Variants in KAZN observed in about 807,000 individuals in gnomAD.
KAZN encodes kazrin, periplakin interacting protein.
In KAZN, 40 loss-of-function variants were observed where a neutral mutation model predicts 87.4. That is an observed-to-expected ratio of 0.46 (90% confidence interval 0.36 to 0.60). KAZN has a LOEUF of 0.60. Among genes scored for constraint, KAZN ranks in the 20% least tolerant of loss-of-function variants. KAZN has a pLI of 0.00. For missense variants in KAZN, 898 were observed against 1,073.9 expected (o/e 0.84, Z 2.29); for synonymous variants, 466 against 458.3 (o/e 1.02, Z -0.22).
At chr1:14,032,951 A>G (rs2101343405) in intron 1 of KAZN, among the ~76,000 whole-genome samples, 1 of 152,196 alleles carries the variant, frequency 6.6e-6, no homozygotes, top group South Asian at 2.1e-4. Flanking sequence ...TTCACCAGCG[A>G]CCCTGATTCC....
intron 2 of KAZN, among the ~76,000 whole-genome samples, chr1:14,484,795 A>AGCTTTGCT (rs938940820): frequency 2.0e-4 from 30 of 152,316 alleles, no homozygotes; most frequent in African/African-American, 7.0e-4. Flanking sequence ...GTGTTGATTC[A>AGCTTTGCT]GCTTTGCTCT....
intron 1 of KAZN, among the ~76,000 whole-genome samples, chr1:14,905,354 G>A (rs1311679683): frequency 6.6e-6 from 1 of 152,142 alleles, no homozygotes; most frequent in Non-Finnish European, 1.5e-5. Context: ...GATCTACTGC[G>A]CCTGGACAGG....
At chr1:14,621,196 G>A (rs1678669927) in intron 1 of KAZN, among the ~76,000 whole-genome samples, 1 of 152,208 alleles carries the variant, frequency 6.6e-6, no homozygotes, top group Admixed American at 6.5e-5. Context: ...TGCTAATGAG[G>A]CTAATCAATG....
chr1:15,071,841 TG>T (rs1157625900), intron 8 of KAZN, among the ~76,000 whole-genome samples: 1 of 152,216 alleles, frequency 6.6e-6, no homozygotes, highest in Non-Finnish European at 1.5e-5. Context: ...AAACACTGGC[TG>T]GTAGCTTGTT....
chr1:14,445,188 G>T (rs532390423), intron 2 of KAZN, among the ~76,000 whole-genome samples: 1 of 152,048 alleles, frequency 6.6e-6, no homozygotes, highest in Non-Finnish European at 1.5e-5. Context: ...ACCATGCCTG[G>T]CTAATTTTTG....
chr1:14,185,522 T>C (rs188234464), intron 2 of KAZN, among the ~76,000 whole-genome samples: 1 of 152,214 alleles, frequency 6.6e-6, no homozygotes, highest in Non-Finnish European at 1.5e-5. Flanking sequence ...GCAAAAGCAA[T>C]GCTTATTTTC....
chr1:14,337,369 TC>T (rs1277943572), intron 2 of KAZN, among the ~76,000 whole-genome samples: 1 of 152,242 alleles, frequency 6.6e-6, no homozygotes, highest in Non-Finnish European at 1.5e-5. Context: ...TAAATGTTCT[TC>T]CTTTCCTTGA....
rs188146108 is a variant in KAZN, at chr1:15,021,830, C to T, written c.419-12919C>T. On this transcript the variant is annotated intron_variant, in intron 2 of 14. Transcript: ENST00000376030. This position sits in a 1 kb window ranked among gnomAD's most constrained non-coding sequence, Gnocchi z 4.2. ...CTGGCTCCTGGCATCTGTATGAGTTCGTTTTCATGCTGCTGATAAAGACAT... is the reference window on the plus strand; with the variant it reads ...CTGGCTCCTGGCATCTGTATGAGTTTGTTTTCATGCTGCTGATAAAGACAT... 1.6e-3 allele frequency among the ~76,000 whole-genome samples: 246 copies of T among 152,180 alleles called. 2 individuals carry two copies. The highest frequency in any genetic ancestry group is 1.1e-3 in the Non-Finnish European group (73 of 67,992).
chr1:14,994,997 G>A (rs527791233), intron 2 of KAZN, among the ~76,000 whole-genome samples: 8 of 152,362 alleles, frequency 5.3e-5, no homozygotes, highest in South Asian at 2.1e-4. Context: ...GCTTAGCAGC[G>A]GGGCAGTTCT....
At chr1:14,023,954 G>A (rs934975315) in intron 1 of KAZN, among the ~76,000 whole-genome samples, 6 of 152,184 alleles carry the variant, frequency 3.9e-5, no homozygotes, top group African/African-American at 1.4e-4. Context: ...AGGACTTTGG[G>A]TTGGCATCTA....
chr1:14,932,669 C>T (rs533189564), intron 1 of KAZN, among the ~76,000 whole-genome samples: 3 of 152,132 alleles, frequency 2.0e-5, no homozygotes, highest in East Asian at 3.9e-4. Context: ...GTTTTTCCAC[C>T]GACAAGATGT....
At chr1:13,996,396 G>T (rs545734860) in intron 1 of KAZN, among the ~76,000 whole-genome samples, 1 of 152,304 alleles carries the variant, frequency 6.6e-6, no homozygotes, top group Admixed American at 6.5e-5. Flanking sequence ...CCTCGAGGGA[G>T]GAGCAGCAGC....
At chr1:14,961,682 C>T (rs1663886397) in intron 2 of KAZN, among the ~76,000 whole-genome samples, 1 of 152,234 alleles carries the variant, frequency 6.6e-6, no homozygotes, top group Admixed American at 6.5e-5. Flanking sequence ...TAAGCCCCCT[C>T]AGTGTCTTTG....
intron 1 of KAZN, among the ~76,000 whole-genome samples, chr1:14,872,705 C>A (rs1477207323): frequency 6.6e-6 from 1 of 152,128 alleles, no homozygotes; most frequent in Non-Finnish European, 1.5e-5. Flanking sequence ...CTCTCATGAA[C>A]CTATACAGAA....
intron 1 of KAZN, among the ~76,000 whole-genome samples, chr1:14,746,267 A>G (rs761616306): frequency 2.0e-5 from 3 of 152,112 alleles, no homozygotes; most frequent in African/African-American, 4.8e-5. Flanking sequence ...TCTTTCCTCA[A>G]AAATGCAGGT....
intron 2 of KAZN, among the ~76,000 whole-genome samples, chr1:14,584,465 A>C (rs1675731477): frequency 6.6e-6 from 1 of 152,146 alleles, no homozygotes; most frequent in Non-Finnish European, 1.5e-5. Flanking sequence ...GAGTTCCTGA[A>C]GTCAGCTCTG....
intron 2 of KAZN, among the ~76,000 whole-genome samples, chr1:14,469,528 T>C (rs1668335096): frequency 1.3e-5 from 2 of 152,170 alleles, no homozygotes; most frequent in South Asian, 4.1e-4. Flanking sequence ...CTAAGAAAAT[T>C]GGGCAGTTTA....
intron 1 of KAZN, among the ~76,000 whole-genome samples, chr1:14,615,603 A>T (rs1463853121): frequency 6.6e-6 from 1 of 151,238 alleles, no homozygotes; most frequent in Non-Finnish European, 1.5e-5. Context: ...TCCAGTCTGC[A>T]TGTCAGAGTG....
At chr1:14,786,635 T>G (rs541484276) in intron 1 of KAZN, among the ~76,000 whole-genome samples, 1 of 152,308 alleles carries the variant, frequency 6.6e-6, no homozygotes, top group East Asian at 1.9e-4. Context: ...ACCTGATGCC[T>G]ATCTTTAAAA....
Sources: gnomAD v4.1 joint callset for allele counts (sites outside exome capture counted in the v4.1 genomes callset) on GRCh38, gnomAD v4.1.1 for gene constraint, Gnocchi (gnomAD v3.1) non-coding constraint, MANE v1.5 for transcripts, NCBI Gene and HGNC (gene_info 2026-07-23, HGNC 2026-07-21) for gene names.